Variants in CDK18 observed in about 807,000 individuals in gnomAD.
The protein encoded by CDK18 is cyclin-dependent kinase 18.
A neutral mutation model predicts 62.0 loss-of-function variants in CDK18; 52 were observed. That is an observed-to-expected ratio of 0.84 (90% CI 0.67 to 1.06). The LOEUF (loss-of-function observed/expected upper bound fraction) is 1.06. Ranked by LOEUF, CDK18 falls within the 50% of genes least tolerant of loss-of-function variation. CDK18 has a pLI of 0.00. For missense variants in CDK18, 604 were observed against 619.9 expected, an observed-to-expected ratio of 0.97 and a Z score of 0.27; for synonymous variants, 237 against 247.0, an observed-to-expected ratio of 0.96 and a Z score of 0.38.
intron 14 of CDK18, 111 bp from the exon 15 acceptor site, chr1:205,530,517 A>T: frequency 8.2e-7 from 1 of 1,223,050 alleles, no homozygotes; most frequent in Admixed American, 1.9e-5. Flanking sequence ...GAGGGGGCAA[A>T]CAGTGGAAAT....
chr1:205,525,267 T>C (rs1668366318), intron 5 of CDK18, 72 bp downstream of exon 5: 1 of 1,130,520 alleles, frequency 8.8e-7, no homozygotes, highest in African/African-American at 1.5e-5. Context: ...ACCTCCCTAG[T>C]CGGCCCTCTC....
chr1:205,523,673 CA>C, intron 3 of CDK18, 48 bp downstream of exon 3: 2 of 1,541,816 alleles, frequency 1.3e-6, no homozygotes, highest in Non-Finnish European at 1.8e-6. Flanking sequence ...GATGCACGCA[CA>C]AGGGTGTGCA....
intron 1 of CDK18, 62 bp from the exon 2 acceptor site, chr1:205,523,085 G>T (rs1382365433): frequency 2.0e-6 from 3 of 1,515,822 alleles, no homozygotes; most frequent in African/African-American, 2.8e-5. Context: ...TTCCCAGTGG[G>T]TGGAGACCTG....
chr1:205,509,527 C>T (rs569632846), intron 1 of CDK18, among the ~76,000 whole-genome samples: 2 of 152,142 alleles, frequency 1.3e-5, no homozygotes, highest in African/African-American at 2.4e-5. Flanking sequence ...AATTTGCTCA[C>T]CCAGGTTTCA....
intron 1 of CDK18, among the ~76,000 whole-genome samples, chr1:205,518,592 C>T (rs1004486994): frequency 4.6e-5 from 7 of 152,212 alleles, no homozygotes; most frequent in Non-Finnish European, 7.3e-5. Context: ...CGTTTGTGCA[C>T]TTGGCAACAA....
In CDK18 at chr1:205,531,483, G is replaced by A; in HGVS notation, c.*105G>A. ...CTCGGAGGACTGAAGAACGAGGGCT[G>A]ACAGCCAGCCTGGAAGACCGCTTGG... is the stretch of plus-strand genomic sequence containing the variant. On this transcript the variant is annotated 3_prime_UTR_variant, in exon 16 of 16. Coordinates refer to ENST00000429964, the MANE Select transcript of CDK18 (RefSeq NM_212502.3). 2 of 1,087,422 alleles carry A rather than the reference G, an allele frequency of 1.8e-6. No homozygotes were observed. Among genetic ancestry groups the A allele is most frequent in the South Asian group, 1.3e-5 (1 of 77,908 alleles). 67.4% of individuals were successfully genotyped at this position (1,087,422 alleles called of 1,614,324 possible). A position where few individuals can be genotyped will look rare whatever the true frequency, so the allele number is the denominator to read the frequency against.
intron 1 of CDK18, among the ~76,000 whole-genome samples, chr1:205,512,854 C>A (rs370947729): frequency 2.0e-5 from 3 of 152,144 alleles, no homozygotes; most frequent in Non-Finnish European, 4.4e-5. Flanking sequence ...ATTCCCTCCC[C>A]CTCCTGAGAC....
chr1:205,512,289 T>C (rs966476303), intron 1 of CDK18, among the ~76,000 whole-genome samples: 9 of 151,916 alleles, frequency 5.9e-5, no homozygotes, highest in African/African-American at 2.2e-4. Flanking sequence ...GTGTTGACAT[T>C]CAAGGGACAG....
chr1:205,530,285 A>C lies in CDK18; in HGVS notation c.1248A>C (p.Ala416=). 1.2e-6 allele frequency: 2 copies of C among 1,613,288 alleles called. No homozygotes were observed. Among genetic ancestry groups the C allele is most frequent in the Non-Finnish European group, 1.7e-6 (2 of 1,180,038 alleles). ...ATGAATCCAAGAGTCGCATGTCAGC[A>C]GAGGCTGCCCTGAGTCACTCCTACT... The part of the protein sequence containing the change: ...LLYESKSRMS[A]EAALSHSYFR... Residue 416 remains alanine, a synonymous_variant, in exon 14 of 16, where the codon GCA becomes GCC. Transcript: ENST00000429964.
chr1:205,530,514 C>A (rs1668684012), intron 14 of CDK18, 114 bp from the exon 15 acceptor site: 4 of 1,213,026 alleles, frequency 3.3e-6, no homozygotes, highest in Non-Finnish European at 4.8e-6. Flanking sequence ...ATTGAGGGGG[C>A]AAACAGTGGA....
At chr1:205,531,091 C>G (rs548825086) in intron 15 of CDK18, among the ~76,000 whole-genome samples, 20 of 152,356 alleles carry the variant, frequency 1.3e-4, no homozygotes, top group African/African-American at 4.3e-4. Flanking sequence ...TAAAATACCC[C>G]TTGAAGCTAG....
Position 205,524,316 on chromosome 1 carries a change from C to T in CDK18, c.358C>T (p.Leu120=). The T allele has an allele frequency of 6.2e-7, 1 of 1,614,156 alleles. No individual in the cohort carries two copies. Among genetic ancestry groups the T allele is most frequent in the Admixed American group, 1.7e-5 (1 of 60,032 alleles). Residue 120 remains leucine, a synonymous_variant, in exon 4 of 16, where the codon CTG becomes TTG. Transcript: ENST00000429964. Reference sequence around the variant, plus strand: ...GAAGCTACAGATGGAGAGCCCAGATCTGCCCAAGCCGCTCAGCCGCATGTC... The same window carrying T: ...GAAGCTACAGATGGAGAGCCCAGATTTGCCCAAGCCGCTCAGCCGCATGTC... ...LQKLQMESPD[L]PKPLSRMSRR... is the part of the protein sequence containing the mutation.
intron 1 of CDK18, among the ~76,000 whole-genome samples, chr1:205,518,555 T>C (rs1266446943): frequency 6.6e-6 from 1 of 152,080 alleles, no homozygotes; most frequent in Non-Finnish European, 1.5e-5. Flanking sequence ...GGGCTCCAGG[T>C]AGGAGAAGAA....
chr1:205,529,111 G>T lies in CDK18; in HGVS notation c.1072+15G>T. On this transcript the variant is annotated intron_variant, in intron 11 of 15. Transcript: ENST00000429964. ...TCGCCTCCTCGGTCAGTCTCCCGCT[G>T]CTCCGTCCCTCTCACCACCAGGGGG... 1.3e-6 allele frequency: 2 copies of T among 1,558,232 alleles called. No individual in the cohort carries two copies. The highest frequency in any genetic ancestry group is 1.7e-6 in the Non-Finnish European group (2 of 1,147,998).
intron 1 of CDK18, among the ~76,000 whole-genome samples, chr1:205,510,536 G>A (rs1369283608): frequency 2.0e-5 from 3 of 152,236 alleles, no homozygotes; most frequent in Non-Finnish European, 4.4e-5. Context: ...GCCATGTTCT[G>A]TGTGGGTGCC....
intron 1 of CDK18, 98 bp from the exon 2 acceptor site, chr1:205,523,049 C>T (rs1429508483): frequency 2.5e-5 from 34 of 1,341,084 alleles, no homozygotes; most frequent in South Asian, 5.7e-5. Context: ...GCATACAGGG[C>T]GACAGAGCTT....
chr1:205,524,517 T>C (rs1668321046), intron 4 of CDK18, among the ~76,000 whole-genome samples, 160 bp downstream of exon 4: 1 of 152,216 alleles, frequency 6.6e-6, no homozygotes, highest in South Asian at 2.1e-4. Context: ...CTCGTCCTCC[T>C]ACATCAACAT....
chr1:205,512,092 A>G (rs1667590796), intron 1 of CDK18, among the ~76,000 whole-genome samples: 1 of 134,556 alleles, frequency 7.4e-6, no homozygotes, highest in Admixed American at 7.3e-5. Context: ...CTTGGGGGAC[A>G]CACAGGCAGG....
intron 1 of CDK18, among the ~76,000 whole-genome samples, chr1:205,511,393 A>G (rs185275667): frequency 1.3e-5 from 2 of 152,194 alleles, no homozygotes; most frequent in Non-Finnish European, 1.5e-5. Context: ...CTGGCCTCTT[A>G]CAGAAAAGGT....
Sources: gnomAD v4.1 joint callset for allele counts (sites outside exome capture counted in the v4.1 genomes callset) on GRCh38, gnomAD v4.1.1 for gene constraint, MANE v1.5 for transcripts, NCBI Gene and HGNC (gene_info 2026-07-23, HGNC 2026-07-21) for gene names.